LAMC1: variants seen among roughly 807,000 people sequenced by gnomAD.
LAMC1 encodes the protein laminin subunit gamma-1.
Under a neutral mutation model 173.6 loss-of-function variants are expected in LAMC1, and 38 were observed. That is an observed-to-expected ratio of 0.22 (90% CI 0.17 to 0.29). The LOEUF (loss-of-function observed/expected upper bound fraction) is 0.29, where lower values mean the gene tolerates loss of function less well. Among genes scored for constraint, LAMC1 ranks in the 10% least tolerant of loss-of-function variants. LAMC1 has a pLI of 1.00. For synonymous variants in LAMC1, 746 were observed against 749.1 expected (o/e 1.00, Z 0.07); for missense variants, 1,824 against 2,051.8 (o/e 0.89, Z 2.14).
intron 1 of LAMC1, among the ~76,000 whole-genome samples, chr1:183,066,630 A>G (rs956565218): frequency 3.9e-5 from 6 of 152,228 alleles, no homozygotes; most frequent in African/African-American, 1.4e-4. Flanking sequence ...CAGCCATAAA[A>G]AAGGATGAGT....
At position 183,124,707 on chromosome 1, in the gene LAMC1, C is replaced by T. The variant is rs201549183; in HGVS notation, c.2478C>T (p.Arg826=). 8.1e-6 allele frequency: 13 copies of T among 1,614,212 alleles called. No homozygotes were observed. The Admixed American group carries it at 2.2e-4, about 27-fold the overall frequency. Residue 826 remains arginine (R), a synonymous_variant, in exon 14 of 28, where the codon CGC becomes CGT. Coordinates refer to ENST00000258341, the MANE Select transcript of LAMC1 (RefSeq NM_002293.4). ...LGRNGPVRLC[R]LCQCSDNIDP... ...GAAACGGCCCTGTGAGACTTTGCCG[C>T]CTGTGCCAGTGCAGTGACAACATCG...
intron 1 of LAMC1, among the ~76,000 whole-genome samples, chr1:183,034,561 G>A (rs370400415): frequency 1.7e-4 from 26 of 152,254 alleles, no homozygotes; most frequent in African/African-American, 5.3e-4. Context: ...GTGAGCCACC[G>A]CGCCCAGCCC....
At chr1:183,117,901 C>A in intron 10 of LAMC1, 133 bp from the exon 11 acceptor site, 1 of 743,294 alleles carries the variant, frequency 1.3e-6, no homozygotes, top group East Asian at 2.6e-5. Context: ...TACTACCAAA[C>A]CAATAGTCTT....
chr1:183,137,284 G>C (rs1484343125), intron 25 of LAMC1, among the ~76,000 whole-genome samples: 1 of 152,112 alleles, frequency 6.6e-6, no homozygotes, highest in Non-Finnish European at 1.5e-5. Context: ...AACCAAGCTA[G>C]CTTTGAATTT....
intron 1 of LAMC1, among the ~76,000 whole-genome samples, chr1:183,060,282 A>G (rs1654709175): frequency 6.6e-6 from 1 of 151,454 alleles, no homozygotes; most frequent in Admixed American, 6.6e-5. Flanking sequence ...CTTAAGTAGT[A>G]TGGCATGCAC....
rs1041508592 is a variant in LAMC1, at chr1:183,103,647, G to C, written c.723+15G>C. 1 of 1,526,666 alleles carries C rather than the reference G, an allele frequency of 6.6e-7. No individual in the cohort carries two copies. Among genetic ancestry groups the C allele is most frequent in the Non-Finnish European group, 8.8e-7 (1 of 1,138,632 alleles). 94.6% of individuals were successfully genotyped at this position (1,526,666 alleles called of 1,614,324 possible). The stretch of plus-strand genomic sequence containing the variant: ...CTGTGCTGCAGGTAAATTCTCACAG[G>C]TTGGCCTGAAGCCAGCTAGTTCTAC... On this transcript the variant is annotated intron_variant, in intron 2 of 27. Coordinates refer to ENST00000258341, the MANE Select transcript of LAMC1 (RefSeq NM_002293.4).
intron 1 of LAMC1, among the ~76,000 whole-genome samples, chr1:183,083,984 T>C (rs1655356939): frequency 6.6e-6 from 1 of 152,222 alleles, no homozygotes; most frequent in Admixed American, 6.5e-5. Flanking sequence ...AACATTAGGA[T>C]AGTTTTTCTT....
At chr1:183,139,346 A>G (rs1657040046) in intron 26 of LAMC1, among the ~76,000 whole-genome samples, 1 of 152,130 alleles carries the variant, frequency 6.6e-6, no homozygotes, top group African/African-American at 2.4e-5. Context: ...TCTGTATTGT[A>G]TTTTTTAACC....
chr1:183,135,890 CAAA>C (rs34380430), intron 24 of LAMC1, among the ~76,000 whole-genome samples: 6 of 104,080 alleles, frequency 5.8e-5, no homozygotes, highest in East Asian at 5.4e-4. Context: ...CCTTGTCTCT[CAAA>C]AAAAAAAAAA....
chr1:183,082,521 A>G (rs1251629447), intron 1 of LAMC1, among the ~76,000 whole-genome samples: 1 of 152,230 alleles, frequency 6.6e-6, no homozygotes, highest in Non-Finnish European at 1.5e-5. Flanking sequence ...AAAGGAGGTT[A>G]CTGGTGATAG....
chr1:183,033,480 C>T (rs1444703084), intron 1 of LAMC1, among the ~76,000 whole-genome samples: 1 of 152,156 alleles, frequency 6.6e-6, no homozygotes, highest in Non-Finnish European at 1.5e-5. Context: ...TTAAGAATGT[C>T]TTTGTGTGGC....
At position 183,132,476 on chromosome 1, in the gene LAMC1, C is replaced by T. The variant is rs754710261; in HGVS notation, c.3643C>T (p.Leu1215Phe). The change falls in exon 21 of 28, where the codon CTT (leucine) becomes TTT (phenylalanine). Residue 1215 changes from leucine to phenylalanine, a missense_variant. Leu to Phe is a conservative substitution (Grantham distance 22, BLOSUM62 0). Coordinates refer to ENST00000258341, the MANE Select transcript of LAMC1 (RefSeq NM_002293.4). ...NDTSTEAYNL[L>F]LRTLAGENQT... Reference sequence around the variant, plus strand: ...TACGTCAACTGAGGCATACAACCTGCTTCTGAGGACACTGGCAGGAGAAAA... The same window carrying T: ...TACGTCAACTGAGGCATACAACCTGTTTCTGAGGACACTGGCAGGAGAAAA... 3.1e-6 allele frequency: 5 copies of T among 1,613,350 alleles called. No individual in the cohort carries two copies. The East Asian group carries it at 1.1e-4, about 36-fold the overall frequency.
chr1:183,071,455 A>G (rs1202718042), intron 1 of LAMC1, among the ~76,000 whole-genome samples: 3 of 152,154 alleles, frequency 2.0e-5, no homozygotes, highest in Admixed American at 6.5e-5. Flanking sequence ...GTGTGACTCT[A>G]CATTCCGGCC....
intron 17 of LAMC1, among the ~76,000 whole-genome samples, chr1:183,127,717 G>C (rs1215396689): frequency 6.6e-6 from 1 of 152,178 alleles, no homozygotes; most frequent in Non-Finnish European, 1.5e-5. Flanking sequence ...AGTAATGGTA[G>C]GTTTGTTCCA....
At chr1:183,110,411 G>A (rs1179045785) in intron 3 of LAMC1, 77 bp from the exon 4 acceptor site, 1 of 1,121,294 alleles carries the variant, frequency 8.9e-7, no homozygotes, top group East Asian at 2.4e-5. Context: ...TTACTTCTTT[G>A]TGTACATAGT....
At chr1:183,028,514 C>T (rs1277642300) in intron 1 of LAMC1, among the ~76,000 whole-genome samples, 2 of 152,186 alleles carry the variant, frequency 1.3e-5, no homozygotes, top group East Asian at 3.9e-4. Flanking sequence ...TGAGATTTCT[C>T]ACAACGCAAG....
chr1:183,077,319 A>G (rs1188691738), intron 1 of LAMC1, among the ~76,000 whole-genome samples: 2 of 152,180 alleles, frequency 1.3e-5, no homozygotes, highest in Admixed American at 6.5e-5. Flanking sequence ...ATAGCAGACA[A>G]TGCTGGCTAT....
In LAMC1 at chr1:183,115,581, G is replaced by C; in HGVS notation, c.1272G>C (p.Gly424=). 1 of 1,614,116 alleles carries C rather than the reference G, an allele frequency of 6.2e-7. No homozygotes were observed. The highest frequency in any genetic ancestry group is 1.3e-5 in the African/African-American group (1 of 75,032). Residue 424 remains glycine (G), a synonymous_variant, in exon 6 of 28, where the codon GGG becomes GGC. Coordinates refer to ENST00000258341, the MANE Select transcript of LAMC1 (RefSeq NM_002293.4). ...GCAGCTGTAAGCCAGGAGTGATGGG[G>C]GACAAATGTGACCGTTGCCAGCCTG... is the stretch of plus-strand genomic sequence containing the variant. ...GRCSCKPGVM[G]DKCDRCQPGF...
At chr1:183,043,643 C>T (rs1474526920) in intron 1 of LAMC1, among the ~76,000 whole-genome samples, 1 of 152,066 alleles carries the variant, frequency 6.6e-6, no homozygotes, top group Non-Finnish European at 1.5e-5. Flanking sequence ...TAGGGCATTA[C>T]ATAAATGTTT....
Sources: allele counts gnomAD v4.1 joint callset (sites outside exome capture counted in the v4.1 genomes callset), GRCh38; gene constraint gnomAD v4.1.1; transcripts MANE v1.5; gene names NCBI Gene and HGNC (gene_info 2026-07-23, HGNC 2026-07-21).